The following ALKBH8 variants were observed in gnomAD, a reference collection of about 807,000 sequenced individuals.
The protein encoded by ALKBH8 is tRNA (carboxymethyluridine(34)-5-O)-methyltransferase ALKBH8.
Under a neutral mutation model 59.8 loss-of-function variants are expected in ALKBH8, and 36 were observed. The ratio of observed to expected loss-of-function variants is 0.60; its 90% CI spans 0.46 to 0.79. ALKBH8 has a LOEUF of 0.79. Ranked by LOEUF, ALKBH8 falls within the 30% of genes least tolerant of loss-of-function variation. ALKBH8 has a pLI of 0.00. For missense variants in ALKBH8, 768 were observed against 801.0 expected (o/e 0.96, Z 0.50); for synonymous variants, 276 against 273.6 (o/e 1.01, Z -0.09).
chr11:107,548,287 A>G (rs1221828871), intron 7 of ALKBH8, among the ~76,000 whole-genome samples: 1 of 152,218 alleles, frequency 6.6e-6, no homozygotes, highest in Admixed American at 6.5e-5. Flanking sequence ...TACGCCAGTG[A>G]CAAGGTCAGT....
chr11:107,561,153 T>C (rs894132511), intron 1 of ALKBH8, among the ~76,000 whole-genome samples: 2 of 152,210 alleles, frequency 1.3e-5, no homozygotes, highest in Non-Finnish European at 2.9e-5. Flanking sequence ...TTAAGTGTGC[T>C]ATTTTACTCA....
At chr11:107,533,536 T>C (rs1432310932) in intron 7 of ALKBH8, among the ~76,000 whole-genome samples, 1 of 152,212 alleles carries the variant, frequency 6.6e-6, no homozygotes, top group Non-Finnish European at 1.5e-5. Flanking sequence ...AGTCATGTGA[T>C]AGAGTTTAAT....
At chr11:107,565,100 C>T (rs751771435) in intron 1 of ALKBH8, 1 of 162,306 alleles carries the variant, frequency 6.2e-6, no homozygotes, top group African/African-American at 2.4e-5. Context: ...AGACTTGGTG[C>T]CTGACATACA....
chr11:107,543,859 T>A (rs1864143877), intron 7 of ALKBH8, among the ~76,000 whole-genome samples: 1 of 152,202 alleles, frequency 6.6e-6, no homozygotes, highest in African/African-American at 2.4e-5. Flanking sequence ...TTCAGATGGT[T>A]TCATGTCTTT....
intron 9 of ALKBH8, among the ~76,000 whole-genome samples, chr11:107,524,104 C>A (rs1863249157): frequency 6.6e-6 from 1 of 152,126 alleles, no homozygotes; most frequent in African/African-American, 2.4e-5. Context: ...GTCACCCAGG[C>A]CACAGTGCAA....
chr11:107,555,751 G>T (rs1302180321), intron 3 of ALKBH8, among the ~76,000 whole-genome samples: 2 of 152,178 alleles, frequency 1.3e-5, no homozygotes, highest in Non-Finnish European at 2.9e-5. Flanking sequence ...TAAATAGGTG[G>T]CAAATGAATA....
At position 107,504,672 on chromosome 11, in the gene ALKBH8, G is replaced by A; in HGVS notation, c.1981C>T (p.Leu661Phe). ...YYDQGNWCVI[L>F]QKA ...CAGGTAAATAATCAGGCCTTTTGAA[G>A]AATCACACACCAGTTTCCTTGATCG... The change falls in exon 12 of 12, where the codon CTT becomes TTT. Residue 661 changes from leucine (L) to phenylalanine (F), a missense_variant. Coordinates refer to ENST00000428149, the MANE Select transcript of ALKBH8 (RefSeq NM_138775.3). The A allele has an allele frequency of 1.9e-6, 3 of 1,544,932 alleles. No homozygotes were observed. In the South Asian group the frequency reaches 3.6e-5, roughly 19 times the overall value.
intron 7 of ALKBH8, among the ~76,000 whole-genome samples, chr11:107,544,887 G>A (rs619172): frequency 0.46 from 68,327 of 149,334 alleles, 16,898 homozygotes; most frequent in Non-Finnish European, 0.56. Flanking sequence ...ACACCCACCA[G>A]GATGGTAGAT....
intron 6 of ALKBH8, among the ~76,000 whole-genome samples, chr11:107,551,237 GAAAC>G (rs574308659): frequency 1.3e-5 from 2 of 152,056 alleles, no homozygotes; most frequent in South Asian, 2.1e-4. Flanking sequence ...CGTTGAAAGG[GAAAC>G]AAACAAAAAA....
intron 1 of ALKBH8, among the ~76,000 whole-genome samples, chr11:107,561,772 A>G (rs1864947650): frequency 6.6e-6 from 1 of 152,332 alleles, no homozygotes; most frequent in South Asian, 2.1e-4. Flanking sequence ...ATGCCAGCAC[A>G]TAGTAGTTGC....
intron 9 of ALKBH8, 47 bp from the exon 10 acceptor site, chr11:107,522,602 C>T (rs1057132578): frequency 2.7e-6 from 4 of 1,493,898 alleles, no homozygotes; most frequent in African/African-American, 1.4e-5. Context: ...CAGAATAACT[C>T]ATAAGGTATC....
intron 8 of ALKBH8, among the ~76,000 whole-genome samples, chr11:107,527,869 G>A (rs997748815): frequency 3.9e-5 from 6 of 152,076 alleles, no homozygotes; most frequent in African/African-American, 9.6e-5. Flanking sequence ...GAAGGAGTAT[G>A]AGCGGACATC....
intron 10 of ALKBH8, 35 bp downstream of exon 10, chr11:107,522,264 T>G: frequency 1.9e-6 from 3 of 1,546,796 alleles, no homozygotes; most frequent in Non-Finnish European, 2.6e-6. Context: ...CACTGCAAAT[T>G]AAGCAAAAAG....
chr11:107,511,585 T>A (rs774687065), intron 10 of ALKBH8, among the ~76,000 whole-genome samples: 3 of 150,170 alleles, frequency 2.0e-5, no homozygotes, highest in African/African-American at 7.3e-5. Flanking sequence ...ATCAAAATAA[T>A]TTTTTTTTGA....
intron 7 of ALKBH8, among the ~76,000 whole-genome samples, chr11:107,545,280 C>T (rs1864204132): frequency 6.6e-6 from 1 of 152,044 alleles, no homozygotes; most frequent in South Asian, 2.1e-4. Flanking sequence ...AATAATGAAA[C>T]ATTTGTCCAT....
intron 7 of ALKBH8, among the ~76,000 whole-genome samples, chr11:107,539,031 T>G (rs544998629): frequency 1.3e-5 from 2 of 152,370 alleles, no homozygotes; most frequent in South Asian, 2.1e-4. Context: ...AAATATTCTA[T>G]AGTTGTGCTA....
rs868806200 is a variant in ALKBH8 at position 107,539,461 on chromosome 11, T to A, written c.772-7055A>T. ...CTAGAAATACAAAAAATGGCCGGCATGGTGGTGGGCGTCTATAGTCCCAGC... is the reference window on the plus strand; with the variant it reads ...CTAGAAATACAAAAAATGGCCGGCAAGGTGGTGGGCGTCTATAGTCCCAGC... On this transcript the variant is annotated intron_variant, in intron 7 of 11. Coordinates refer to ENST00000428149, the MANE Select transcript of ALKBH8 (RefSeq NM_138775.3). Among the ~76,000 whole-genome samples the A allele has an allele frequency of 2.0e-5, 3 of 152,052 alleles. No homozygotes were observed. The South Asian group carries it at 6.2e-4, about 32-fold the overall frequency.
chr11:107,558,781 T>TAGGAA (rs1470963608), intron 2 of ALKBH8, among the ~76,000 whole-genome samples: 3 of 152,250 alleles, frequency 2.0e-5, no homozygotes, highest in Non-Finnish European at 4.4e-5. Flanking sequence ...AGCAATTTTC[T>TAGGAA]AAATAAGGAG....
chr11:107,542,613 G>T (rs1211831732), intron 7 of ALKBH8, among the ~76,000 whole-genome samples: 1 of 152,150 alleles, frequency 6.6e-6, no homozygotes, highest in Non-Finnish European at 1.5e-5. Context: ...TACATTTCAA[G>T]AATATTTGAC....
Sources: gnomAD v4.1 joint callset for allele counts (sites outside exome capture counted in the v4.1 genomes callset) on GRCh38, gnomAD v4.1.1 for gene constraint, MANE v1.5 for transcripts, NCBI Gene and HGNC (gene_info 2026-07-23, HGNC 2026-07-21) for gene names.